Variants in TENM1 observed in about 807,000 individuals in gnomAD.
TENM1 encodes teneurin-1.
Under a neutral mutation model 174.8 loss-of-function variants are expected in TENM1, and 35 were observed. That is an observed-to-expected ratio of 0.20 (90% CI 0.15 to 0.27). TENM1 has a LOEUF of 0.27. Ranked by LOEUF, TENM1 falls within the 10% of genes least tolerant of loss-of-function variation. TENM1 has a pLI of 1.00. For missense variants in TENM1, 1,633 were observed against 2,130.1 expected, an observed-to-expected ratio of 0.77 and a Z score of 4.59; for synonymous variants, 781 against 798.7, an observed-to-expected ratio of 0.98 and a Z score of 0.37.
At chrX:125,139,196 A>T in the TENM1 span, among the ~76,000 whole-genome samples, 1 of 111,919 alleles carries the variant, frequency 8.9e-6, no homozygotes, top group Non-Finnish European at 1.9e-5. Flanking sequence ...AAATGATTAA[A>T]TAAAATAATT....
At chrX:124,438,782 C>T (rs2060872486) in intron 23 of TENM1, among the ~76,000 whole-genome samples, 1 of 110,843 alleles carries the variant, frequency 9.0e-6, no homozygotes, top group Non-Finnish European at 1.9e-5. Flanking sequence ...TGAGCTGTCA[C>T]TTTGGAGGGA....
intron 3 of TENM1, among the ~76,000 whole-genome samples, chrX:124,818,990 A>G (rs1418832382): frequency 8.9e-6 from 1 of 112,049 alleles, no homozygotes; most frequent in African/African-American, 3.2e-5. Context: ...TAGTAAACCC[A>G]GAGTAAGGTT....
chrX:124,780,573 T>C (rs1298275909), intron 3 of TENM1, among the ~76,000 whole-genome samples: 1 of 111,432 alleles, frequency 9.0e-6, no homozygotes, highest in Admixed American at 9.5e-5. Context: ...CAGGAGAATG[T>C]AAAGTGAGGT....
the TENM1 span, among the ~76,000 whole-genome samples, chrX:125,085,052 A>C: frequency 2.7e-5 from 3 of 110,387 alleles, no homozygotes; most frequent in African/African-American, 6.6e-5. Flanking sequence ...ATTCCTACCC[A>C]AGCCAAAAGA....
intron 3 of TENM1, among the ~76,000 whole-genome samples, chrX:124,769,517 A>G (rs1353597606): frequency 8.9e-6 from 1 of 111,946 alleles, no homozygotes; most frequent in Admixed American, 9.5e-5. Context: ...ACCTGTAATT[A>G]AATAATTGAA....
chrX:124,700,707 A>C (rs1035225711), intron 5 of TENM1, among the ~76,000 whole-genome samples: 1 of 111,420 alleles, frequency 9.0e-6, no homozygotes, highest in African/African-American at 3.3e-5. Flanking sequence ...CTCTCTGTTA[A>C]AAAAAATCTA....
At chrX:124,397,558 G>A (rs2060349812) in intron 27 of TENM1, among the ~76,000 whole-genome samples, 1 of 111,601 alleles carries the variant, frequency 9.0e-6, no homozygotes, top group African/African-American at 3.3e-5. Context: ...GGGCCAAATA[G>A]CCACGTCAGA....
At chrX:125,029,523 C>A in the TENM1 span, among the ~76,000 whole-genome samples, 8,369 of 111,404 alleles carry the variant, frequency 0.075, 757 homozygotes, top group African/African-American at 0.26. Flanking sequence ...TCACACAACA[C>A]AGCTCATATT....
the TENM1 span, among the ~76,000 whole-genome samples, chrX:125,058,677 AC>A: frequency 2.7e-5 from 3 of 110,719 alleles, no homozygotes; most frequent in Non-Finnish European, 5.7e-5. Flanking sequence ...TTTTAAAAAA[AC>A]AATATTGACT....
chrX:124,837,336 G>A (rs1377371632), intron 3 of TENM1, among the ~76,000 whole-genome samples: 1 of 112,053 alleles, frequency 8.9e-6, no homozygotes, highest in Non-Finnish European at 1.9e-5. Context: ...TGATCCACCC[G>A]ACTCGGCCTC....
intron 21 of TENM1, among the ~76,000 whole-genome samples, chrX:124,485,262 A>G (rs767824929): frequency 1.8e-5 from 2 of 111,367 alleles, no homozygotes; most frequent in African/African-American, 6.5e-5. Flanking sequence ...AGAATCCAGT[A>G]GATTCCAGGG....
At chrX:124,595,629 G>A (rs778318880) in intron 11 of TENM1, among the ~76,000 whole-genome samples, 5 of 110,888 alleles carry the variant, frequency 4.5e-5, no homozygotes, top group East Asian at 2.8e-4. Flanking sequence ...TTACTTGGTC[G>A]GCTCTTATAA....
intron 14 of TENM1, among the ~76,000 whole-genome samples, chrX:124,555,657 G>A (rs1290963936): frequency 1.8e-5 from 2 of 111,828 alleles, no homozygotes; most frequent in Non-Finnish European, 3.8e-5. Flanking sequence ...AACTTGGGTG[G>A]AAGAATGATG....
At chrX:124,391,556 G>T (rs1043090530) in intron 28 of TENM1, among the ~76,000 whole-genome samples, 8 of 111,208 alleles carry the variant, frequency 7.2e-5, no homozygotes, top group African/African-American at 2.3e-4. Context: ...TTACCAATGA[G>T]GCCCCACTAC....
At chrX:124,942,377 T>A (rs779409425) in intron 1 of TENM1, among the ~76,000 whole-genome samples, 58 of 111,579 alleles carry the variant, frequency 5.2e-4, no homozygotes, top group African/African-American at 1.9e-3. Context: ...AGTTTTGAAA[T>A]CCTCCCCACT....
chrX:124,391,033 C>T (rs2060276609), intron 28 of TENM1, among the ~76,000 whole-genome samples: 1 of 111,968 alleles, frequency 8.9e-6, no homozygotes, highest in Non-Finnish European at 1.9e-5. Context: ...GTAAATTCTC[C>T]AGCAACAAAC....
chrX:124,479,420 G>A (rs1438150680), intron 22 of TENM1, among the ~76,000 whole-genome samples: 2 of 111,875 alleles, frequency 1.8e-5, no homozygotes, highest in Non-Finnish European at 3.8e-5. Flanking sequence ...GGAAGCTCTC[G>A]GATAGAAGGA....
intron 23 of TENM1, among the ~76,000 whole-genome samples, chrX:124,433,918 G>A (rs886761107): frequency 8.9e-6 from 1 of 111,854 alleles, no homozygotes; most frequent in African/African-American, 3.3e-5. Flanking sequence ...CAAAGATATC[G>A]AATTGATGTT....
intron 3 of TENM1, among the ~76,000 whole-genome samples, chrX:124,776,038 T>G (rs2054775267): frequency 8.9e-6 from 1 of 112,110 alleles, no homozygotes; most frequent in Admixed American, 9.5e-5. Context: ...TTGGATAGTA[T>G]GTTACTTGTA....
Sources: allele counts gnomAD v4.1 joint callset (sites outside exome capture counted in the v4.1 genomes callset), GRCh38; gene constraint gnomAD v4.1.1; transcripts MANE v1.5; gene names NCBI Gene and HGNC (gene_info 2026-07-23, HGNC 2026-07-21).